Variants in PTPRD observed in about 807,000 individuals in gnomAD.
The protein encoded by PTPRD is protein tyrosine phosphatase receptor type D.
A neutral mutation model predicts 214.5 loss-of-function variants in PTPRD; 34 were observed. The ratio of observed to expected loss-of-function variants is 0.16; its 90% CI spans 0.12 to 0.21. PTPRD has a LOEUF of 0.21. Among genes scored for constraint, PTPRD ranks in the 10% least tolerant of loss-of-function variants. The pLI is 1.00. For missense variants in PTPRD, 2,545 were observed against 2,398.7 expected, an observed-to-expected ratio of 1.06 and a Z score of -1.27; for synonymous variants, 1,128 against 845.7, an observed-to-expected ratio of 1.33 and a Z score of -5.79.
intron 10 of PTPRD, among the ~76,000 whole-genome samples, chr9:9,150,174 T>G (rs529445561): frequency 6.6e-6 from 1 of 152,112 alleles, no homozygotes; most frequent in South Asian, 2.1e-4. Flanking sequence ...ATTCTAACCA[T>G]GGACATGTCT....
At chr9:9,069,873 T>C (rs1274668373) in intron 10 of PTPRD, among the ~76,000 whole-genome samples, 1 of 152,216 alleles carries the variant, frequency 6.6e-6, no homozygotes, top group African/African-American at 2.4e-5. Flanking sequence ...CATCTAGCTA[T>C]TGTGTAATGT....
rs1421610796 is a variant in PTPRD, at chr9:8,316,916, A to AT, written c.*957dup. 1.7e-5 allele frequency: 4 copies of AT among 230,640 alleles called. No individual in the cohort carries two copies. Among genetic ancestry groups the AT allele is most frequent in the East Asian group, 1.2e-4 (2 of 16,314 alleles). 14.3% of individuals were successfully genotyped at this position (230,640 alleles called of 1,614,324 possible). On this transcript the variant is annotated 3_prime_UTR_variant, in exon 46 of 46. Transcript: ENST00000381196. Reference sequence around the variant, plus strand: ...AACTGACTGACTGATAACTGTATCTATTTTTTGTGTGGACACACTGTCTAT... The same window carrying AT: ...AACTGACTGACTGATAACTGTATCTATTTTTTTGTGTGGACACACTGTCTAT...
chr9:9,402,508 C>G (rs2071064681), intron 8 of PTPRD, among the ~76,000 whole-genome samples: 1 of 152,068 alleles, frequency 6.6e-6, no homozygotes, highest in Non-Finnish European at 1.5e-5. Flanking sequence ...ACATTCTCAA[C>G]AGAGGACACT....
chr9:9,079,457 G>C (rs1030647107), intron 10 of PTPRD, among the ~76,000 whole-genome samples: 6 of 152,070 alleles, frequency 3.9e-5, no homozygotes, highest in African/African-American at 1.4e-4. Context: ...GAATAGAGCT[G>C]CAGTAGATGT....
intron 8 of PTPRD, among the ~76,000 whole-genome samples, chr9:9,520,861 A>AC (rs2096954566): frequency 6.6e-6 from 1 of 152,144 alleles, no homozygotes; most frequent in African/African-American, 2.4e-5. Flanking sequence ...AGCAGGCAGC[A>AC]AGCAGTCTAT....
chr9:10,210,314 G>A (rs1043513043), intron 3 of PTPRD, among the ~76,000 whole-genome samples: 2 of 152,058 alleles, frequency 1.3e-5, no homozygotes, highest in Non-Finnish European at 1.5e-5. Context: ...ATGTCAGAGA[G>A]CTCAGACAAA....
Position 9,399,627 on chromosome 9 carries a change from G to A in PTPRD, c.-236-2145C>T, listed in dbSNP as rs1357984566. 2.0e-5 allele frequency among the ~76,000 whole-genome samples: 3 copies of A among 152,008 alleles called. No individual in the cohort carries two copies. The East Asian group carries it at 5.8e-4, about 29-fold the overall frequency. ...ACATATTGTGGTAGAGATCCAGTGA[G>A]AAGTAATTGAATCATGGGGGGCGGG... is the stretch of plus-strand genomic sequence containing the variant. On this transcript the variant is annotated intron_variant, in intron 8 of 45. Transcript: ENST00000381196.
rs541259760 is a variant in PTPRD, at chr9:8,708,850, C to A, written c.64+24930G>T. 2.6e-5 allele frequency among the ~76,000 whole-genome samples: 4 copies of A among 152,210 alleles called. No homozygotes were observed. The South Asian group carries it at 8.3e-4, about 32-fold the overall frequency. On this transcript the variant is annotated intron_variant, in intron 12 of 45. Transcript: ENST00000381196. Reference sequence around the variant, plus strand: ...CAAGATGTGGAAGCAACCTAAGTGTCCATCAATGGATGAGTGAATAAAGAA... The same window carrying A: ...CAAGATGTGGAAGCAACCTAAGTGTACATCAATGGATGAGTGAATAAAGAA...
chr9:8,619,399 C>T (rs1352598505), intron 14 of PTPRD, among the ~76,000 whole-genome samples: 2 of 151,642 alleles, frequency 1.3e-5, no homozygotes, highest in African/African-American at 4.8e-5. Context: ...CTCTCTACTA[C>T]TGATATCAAT....
At chr9:9,734,453 A>G (rs887411649) in intron 7 of PTPRD, 80 bp downstream of exon 7, 5 of 152,118 alleles carry the variant, frequency 3.3e-5, no homozygotes, top group African/African-American at 9.7e-5. Context: ...ACACAGAAAT[A>G]AAAACATACT....
At chr9:10,029,680 A>C (rs1035607046) in intron 4 of PTPRD, among the ~76,000 whole-genome samples, 1 of 152,142 alleles carries the variant, frequency 6.6e-6, no homozygotes, top group African/African-American at 2.4e-5. Context: ...GGAAGTAACT[A>C]ATTTGCTTTT....
chr9:9,779,906 G>A (rs1352460717), intron 5 of PTPRD, among the ~76,000 whole-genome samples: 1 of 152,160 alleles, frequency 6.6e-6, no homozygotes, highest in East Asian at 1.9e-4. Context: ...CCATTACTGG[G>A]TATATACCCC....
At chr9:9,286,014 A>G (rs1949235193) in intron 9 of PTPRD, among the ~76,000 whole-genome samples, 1 of 151,730 alleles carries the variant, frequency 6.6e-6, no homozygotes, top group African/African-American at 2.4e-5. Flanking sequence ...CCTCATTTCC[A>G]TTGCCATCCC....
At chr9:9,424,817 T>A (rs1006049067) in intron 8 of PTPRD, among the ~76,000 whole-genome samples, 4 of 152,124 alleles carry the variant, frequency 2.6e-5, no homozygotes, top group Non-Finnish European at 4.4e-5. Flanking sequence ...CAAAAATAAA[T>A]CATTTAGAAA....
chr9:9,102,784 A>G (rs946615317), intron 10 of PTPRD, among the ~76,000 whole-genome samples: 3 of 152,250 alleles, frequency 2.0e-5, no homozygotes, highest in Non-Finnish European at 4.4e-5. Flanking sequence ...AAACTGGTAG[A>G]GATTTTTTCT....
chr9:9,488,780 A>G (rs939616246), intron 8 of PTPRD, among the ~76,000 whole-genome samples: 6 of 152,104 alleles, frequency 3.9e-5, no homozygotes, highest in Non-Finnish European at 5.9e-5. Flanking sequence ...ATGAATTTCA[A>G]TGCTCAGCAC....
chr9:10,146,164 T>C (rs977987249), intron 3 of PTPRD, among the ~76,000 whole-genome samples: 2 of 149,178 alleles, frequency 1.3e-5, no homozygotes, highest in African/African-American at 5.0e-5. Context: ...TATATATATA[T>C]ATATGTATAT....
intron 44 of PTPRD, among the ~76,000 whole-genome samples, chr9:8,326,332 T>C (rs1833728621): frequency 6.6e-6 from 1 of 152,218 alleles, no homozygotes; most frequent in Non-Finnish European, 1.5e-5. Context: ...GATAATCATG[T>C]GGTTTTTGTC....
intron 11 of PTPRD, among the ~76,000 whole-genome samples, chr9:8,813,053 T>C (rs1007304497): frequency 2.0e-5 from 3 of 152,158 alleles, no homozygotes; most frequent in African/African-American, 7.2e-5. Context: ...ACTGCATAGC[T>C]ATGAAATGGC....
Sources: allele counts gnomAD v4.1 joint callset (sites outside exome capture counted in the v4.1 genomes callset), GRCh38; gene constraint gnomAD v4.1.1; transcripts MANE v1.5; gene names NCBI Gene and HGNC (gene_info 2026-07-23, HGNC 2026-07-21).